PIWIL2: variants seen among roughly 807,000 people sequenced by gnomAD.
PIWIL2 encodes piwi like RNA-mediated gene silencing 2.
Under a neutral mutation model 116.5 loss-of-function variants are expected in PIWIL2, and 81 were observed. The observed-to-expected ratio is 0.70, with a 90% CI of 0.58 to 0.84. The LOEUF is 0.84. Among genes scored for constraint, PIWIL2 ranks in the 40% least tolerant of loss-of-function variants. The probability of loss-of-function intolerance (pLI) is 0.00; values close to 1 mark genes in which losing one functional copy is unlikely to be tolerated. For missense variants in PIWIL2, 1,272 were observed against 1,212.3 expected (o/e 1.05, Z -0.73); for synonymous variants, 489 against 429.5 (o/e 1.14, Z -1.71).
intron 16 of PIWIL2, 90 bp downstream of exon 16, chr8:22,311,390 G>C: frequency 9.8e-7 from 1 of 1,022,122 alleles, no homozygotes; most frequent in Non-Finnish European, 1.5e-6. Flanking sequence ...TCAGTCTGCT[G>C]TTGATGATGC....
chr8:22,344,848 C>T (rs539800351), intron 20 of PIWIL2, among the ~76,000 whole-genome samples: 1 of 152,174 alleles, frequency 6.6e-6, no homozygotes, highest in Non-Finnish European at 1.5e-5. Context: ...TGCACTCCAG[C>T]CTTGGTGACA....
chr8:22,317,817 G>A (rs993349229), intron 19 of PIWIL2, among the ~76,000 whole-genome samples: 18 of 151,816 alleles, frequency 1.2e-4, no homozygotes, highest in Admixed American at 2.6e-4. Flanking sequence ...CCGCCACCAC[G>A]CCCGGCTAAT....
intron 20 of PIWIL2, among the ~76,000 whole-genome samples, chr8:22,347,492 C>G (rs909245176): frequency 1.0e-4 from 15 of 147,790 alleles, no homozygotes; most frequent in African/African-American, 3.7e-4. Flanking sequence ...GCTGGGATTA[C>G]AGGCGTGAGC....
At chr8:22,294,661 A>G (rs866640153) in intron 10 of PIWIL2, among the ~76,000 whole-genome samples, 6 of 150,130 alleles carry the variant, frequency 4.0e-5, no homozygotes, top group Non-Finnish European at 8.9e-5. Flanking sequence ...AAAAAAAAAA[A>G]AAAAAAAGAA....
rs780048909 is a variant in PIWIL2, at chr8:22,311,240, A to C, written c.1929A>C (p.Glu643Asp). The C allele has an allele frequency of 1.2e-6, 2 of 1,614,190 alleles. No homozygotes were observed. The highest frequency in any genetic ancestry group is 2.2e-5 in the East Asian group (1 of 44,886). ...GMRMSPPAWVELKDDRIETYV... is the reference protein window; with the variant it reads ...GMRMSPPAWVDLKDDRIETYV... ...GTATGAGCCCACCGGCCTGGGTTGAACTAAAGGATGACCGAATAGAGACTT... is the reference window on the plus strand; with the variant it reads ...GTATGAGCCCACCGGCCTGGGTTGACCTAAAGGATGACCGAATAGAGACTT... Residue 643 changes from glutamate to aspartate, a missense_variant, in exon 16 of 23, where the codon GAA becomes GAC. Transcript: ENST00000356766.
At chr8:22,342,532 A>G (rs892222119) in intron 20 of PIWIL2, among the ~76,000 whole-genome samples, 12 of 152,240 alleles carry the variant, frequency 7.9e-5, no homozygotes, top group Admixed American at 5.9e-4. Flanking sequence ...TGGAAAAACA[A>G]TCTTTTCAAA....
At chr8:22,288,861 T>C (rs1563354990) in intron 8 of PIWIL2, among the ~76,000 whole-genome samples, 195 bp downstream of exon 8, 1 of 152,228 alleles carries the variant, frequency 6.6e-6, no homozygotes, top group South Asian at 2.1e-4. Context: ...GATTTGAATA[T>C]ATGAAATTAG....
intron 16 of PIWIL2, among the ~76,000 whole-genome samples, chr8:22,313,401 G>C (rs148648439): frequency 6.6e-6 from 1 of 152,136 alleles, no homozygotes. Flanking sequence ...CCAAAAACCT[G>C]GAATTGCATA....
Position 22,346,568 on chromosome 8 carries a change from T to G in PIWIL2, c.2404-6391T>G, listed in dbSNP as rs138036292. ...GACAGTCTTAAGCTCACATGTGATT[T>G]ATTTAATATCTGTATTTAGATTTGT... On this transcript the variant is annotated intron_variant, in intron 20 of 22. Coordinates refer to ENST00000356766, the MANE Select transcript of PIWIL2 (RefSeq NM_018068.5). 4.3e-3 allele frequency among the ~76,000 whole-genome samples: 648 copies of G among 152,324 alleles called. 6 individuals are homozygous for G. The highest frequency in any genetic ancestry group is 0.015 in the African/African-American group (627 of 41,570).
At chr8:22,338,897 A>G (rs1832041843) in intron 20 of PIWIL2, among the ~76,000 whole-genome samples, 1 of 152,208 alleles carries the variant, frequency 6.6e-6, no homozygotes, top group Non-Finnish European at 1.5e-5. Context: ...AGTCAAGAAC[A>G]TCTTTAAAAA....
chr8:22,336,921 T>C (rs539197475), intron 20 of PIWIL2, among the ~76,000 whole-genome samples: 47 of 152,262 alleles, frequency 3.1e-4, no homozygotes, highest in Admixed American at 2.0e-3. Context: ...GCGGTAACAT[T>C]GCCACTGACC....
At chr8:22,308,117 C>A (rs371586900) in intron 14 of PIWIL2, 44 bp downstream of exon 14, 11 of 1,498,228 alleles carry the variant, frequency 7.3e-6, no homozygotes, top group African/African-American at 6.9e-5. Flanking sequence ...TACAGAGACA[C>A]GTGTGCAATA....
chr8:22,312,299 T>G (rs1831352865), intron 16 of PIWIL2, among the ~76,000 whole-genome samples: 1 of 151,456 alleles, frequency 6.6e-6, no homozygotes, highest in Non-Finnish European at 1.5e-5. Flanking sequence ...AGGATTTTAC[T>G]CTGTCACCCA....
At chr8:22,350,492 A>G (rs944217397) in intron 20 of PIWIL2, among the ~76,000 whole-genome samples, 21 of 152,038 alleles carry the variant, frequency 1.4e-4, no homozygotes, top group African/African-American at 5.1e-4. Flanking sequence ...GCTACTCAGG[A>G]GGCTGAGTCA....
At chr8:22,308,195 A>G in intron 14 of PIWIL2, 122 bp downstream of exon 14, 1 of 800,770 alleles carries the variant, frequency 1.2e-6, no homozygotes, top group Non-Finnish European at 1.8e-6. Flanking sequence ...ATATTTTTCT[A>G]AGTTTTTTTT....
rs143698410 is a variant in PIWIL2, at chr8:22,305,689, C to T, written c.1456-238C>T. On this transcript the variant is annotated intron_variant, in intron 12 of 22. Transcript: ENST00000356766. ...TTTTTTTTTTCTAGTTTTTACTCTC[C>T]TTTGACAGTTTTAGTATTTTTCCTT... is the stretch of plus-strand genomic sequence containing the variant. Among the ~76,000 whole-genome samples the T allele has an allele frequency of 4.3e-3, 660 of 152,090 alleles. 6 individuals are homozygous for T. The highest frequency in any genetic ancestry group is 0.015 in the African/African-American group (638 of 41,484).
At chr8:22,314,096 G>C (rs778698265) in intron 16 of PIWIL2, among the ~76,000 whole-genome samples, 6 of 152,070 alleles carry the variant, frequency 3.9e-5, no homozygotes, top group Non-Finnish European at 7.4e-5. Context: ...GCCAGCTCTG[G>C]GTAATTAATA....
At chr8:22,290,905 G>A (rs146348602) in intron 10 of PIWIL2, among the ~76,000 whole-genome samples, 62 of 151,766 alleles carry the variant, frequency 4.1e-4, no homozygotes, top group Non-Finnish European at 6.6e-4. Flanking sequence ...TGATATATGC[G>A]CATGCTGAGT....
chr8:22,313,850 G>A (rs1286568048), intron 16 of PIWIL2, among the ~76,000 whole-genome samples: 1 of 152,184 alleles, frequency 6.6e-6, no homozygotes, highest in Non-Finnish European at 1.5e-5. Flanking sequence ...TTTGGCAATA[G>A]CTTCATTCCA....
Sources: gnomAD v4.1 joint callset for allele counts (sites outside exome capture counted in the v4.1 genomes callset) on GRCh38, gnomAD v4.1.1 for gene constraint, MANE v1.5 for transcripts, NCBI Gene and HGNC (gene_info 2026-07-23, HGNC 2026-07-21) for gene names.